Variants in EXT1 observed in about 807,000 individuals in gnomAD.
The protein encoded by EXT1 is exostosin glycosyltransferase 1, also known as exostosin-1.
Under a neutral mutation model 82.5 loss-of-function variants are expected in EXT1, and 20 were observed. The observed-to-expected ratio is 0.24, with a 90% CI of 0.17 to 0.35. The LOEUF is 0.35. Ranked by LOEUF, EXT1 falls within the 10% of genes least tolerant of loss-of-function variation. The probability of loss-of-function intolerance (pLI) is 1.00; values close to 1 mark genes in which losing one functional copy is unlikely to be tolerated. For synonymous variants in EXT1, 348 were observed against 350.8 expected (o/e 0.99, Z 0.09); for missense variants, 757 against 936.5 (o/e 0.81, Z 2.50).
At chr8:118,101,722 T>C (rs891962424) in intron 1 of EXT1, among the ~76,000 whole-genome samples, 6 of 152,208 alleles carry the variant, frequency 3.9e-5, no homozygotes, top group East Asian at 1.9e-4. Context: ...AAAGGCCCCC[T>C]GGCAGGACCA....
chr8:118,065,400 C>G (rs535645500), intron 1 of EXT1, among the ~76,000 whole-genome samples: 3 of 152,246 alleles, frequency 2.0e-5, no homozygotes, highest in Non-Finnish European at 4.4e-5. Context: ...AAGGAAAGAT[C>G]AGGTGAGGAA....
intron 1 of EXT1, among the ~76,000 whole-genome samples, chr8:117,925,705 C>CAAAAAAAAA (rs3049788): frequency 2.0e-5 from 2 of 98,630 alleles, no homozygotes; most frequent in Non-Finnish European, 2.0e-5. Flanking sequence ...CCTGTCTCTA[C>CAAAAAAAAA]AAAAAAAAAA....
chr8:118,048,007 C>T (rs1201744856), intron 1 of EXT1, among the ~76,000 whole-genome samples: 4 of 147,434 alleles, frequency 2.7e-5, no homozygotes, highest in Admixed American at 7.0e-5. Context: ...GCCTGGACAA[C>T]AGAACAAGAA....
Position 117,837,207 on chromosome 8 carries a change from A to G in EXT1, c.963-6T>C, listed in dbSNP as rs1273138541. ...GCATTTCCCGATAATCATACCTAGA[A>G]AGAGAAGAGGAGTAAACAGCAAATG... On this transcript the variant is annotated splice_polypyrimidine_tract_variant and splice_region_variant and intron_variant, in intron 1 of 10. Transcript: ENST00000378204. 1.2e-6 allele frequency: 2 copies of G among 1,610,094 alleles called. No individual in the cohort carries two copies. The highest frequency in any genetic ancestry group is 1.7e-6 in the Non-Finnish European group (2 of 1,176,526).
At chr8:117,888,739 C>T (rs1813192987) in intron 1 of EXT1, among the ~76,000 whole-genome samples, 1 of 152,190 alleles carries the variant, frequency 6.6e-6, no homozygotes, top group African/African-American at 2.4e-5. Context: ...TCGAGTTCCA[C>T]CTCCTCCCCA....
intron 1 of EXT1, among the ~76,000 whole-genome samples, chr8:117,947,823 T>C (rs547117704): frequency 6.6e-6 from 1 of 152,300 alleles, no homozygotes; most frequent in South Asian, 2.1e-4. Flanking sequence ...AGAGTGCAAG[T>C]AATTATATCT....
At chr8:117,899,120 C>T (rs1169525866) in intron 1 of EXT1, among the ~76,000 whole-genome samples, 1 of 152,214 alleles carries the variant, frequency 6.6e-6, no homozygotes, top group Non-Finnish European at 1.5e-5. Context: ...GATAAGCACA[C>T]ATTTACGCTA....
chr8:118,093,523 T>C (rs1332892321), intron 1 of EXT1, among the ~76,000 whole-genome samples: 2 of 152,188 alleles, frequency 1.3e-5, no homozygotes, highest in Admixed American at 1.3e-4. Context: ...AATTTAATCC[T>C]GTTCTAACAT....
chr8:118,062,598 A>T lies in EXT1; in HGVS notation c.962+47487T>A, dbSNP rs150570755. Among the ~76,000 whole-genome samples, 386 of 152,350 alleles carry T rather than the reference A, an allele frequency of 2.5e-3. 1 individual carries two copies. Among genetic ancestry groups the T allele is most frequent in the Non-Finnish European group, 3.7e-3 (251 of 68,028 alleles). ...GGAAGGAATCATATGTTAACAGCCC[A>T]GAGATGCGAAATATTCACAAGGAAC... is the stretch of plus-strand genomic sequence containing the variant. On this transcript the variant is annotated intron_variant, in intron 1 of 10. Coordinates refer to ENST00000378204, the MANE Select transcript of EXT1 (RefSeq NM_000127.3).
At chr8:117,951,305 T>C (rs1814487014) in intron 1 of EXT1, among the ~76,000 whole-genome samples, 1 of 152,232 alleles carries the variant, frequency 6.6e-6, no homozygotes, top group Non-Finnish European at 1.5e-5. Context: ...TCACATGTTA[T>C]ACAAAGCCTG....
chr8:117,939,465 G>T (rs1814231467), intron 1 of EXT1, among the ~76,000 whole-genome samples: 1 of 151,514 alleles, frequency 6.6e-6, no homozygotes, highest in African/African-American at 2.4e-5. Flanking sequence ...GCCACTCGAG[G>T]GGCTGAAGCA....
chr8:118,097,542 G>A (rs1193952951), intron 1 of EXT1, among the ~76,000 whole-genome samples: 1 of 152,170 alleles, frequency 6.6e-6, no homozygotes, highest in Admixed American at 6.5e-5. Context: ...AAGCTCCCCA[G>A]GAGAGTCTAC....
intron 1 of EXT1, among the ~76,000 whole-genome samples, chr8:117,973,906 A>G (rs1220802804): frequency 7.3e-6 from 1 of 137,350 alleles, no homozygotes; most frequent in African/African-American, 2.8e-5. Flanking sequence ...AAAGAAAAGG[A>G]AAGGAGGGAA....
chr8:118,052,083 A>T (rs996309047), intron 1 of EXT1, among the ~76,000 whole-genome samples: 6 of 152,196 alleles, frequency 3.9e-5, no homozygotes, highest in Non-Finnish European at 8.8e-5. Flanking sequence ...CGTTAAGGTC[A>T]TCATGTCAAC....
At chr8:118,051,113 A>C (rs1369755150) in intron 1 of EXT1, among the ~76,000 whole-genome samples, 2 of 152,186 alleles carry the variant, frequency 1.3e-5, no homozygotes, top group African/African-American at 4.8e-5. Context: ...AGGTGGGTGG[A>C]TCACTTGAGC....
chr8:117,884,612 T>C (rs1813116407), intron 1 of EXT1, among the ~76,000 whole-genome samples: 1 of 152,206 alleles, frequency 6.6e-6, no homozygotes, highest in African/African-American at 2.4e-5. Flanking sequence ...CTCTATACTT[T>C]TCTTAACAGC....
chr8:117,813,276 T>C (rs1823363173), intron 7 of EXT1, among the ~76,000 whole-genome samples: 1 of 152,016 alleles, frequency 6.6e-6, no homozygotes. Context: ...CTTTGCTTGA[T>C]ACAAAAAATG....
chr8:117,794,515 ATTTC>A lies in EXT1; in HGVS notation c.*5193_*5196del, dbSNP rs769320685. 1.3e-5 allele frequency: 2 copies of A among 151,854 alleles called. No individual in the cohort carries two copies. The highest frequency in any genetic ancestry group is 2.9e-5 in the Non-Finnish European group (2 of 68,010). The allele number at this position is 151,854 out of a possible 1,614,324, so 9.4% of individuals were successfully genotyped here. On this transcript the variant is annotated 3_prime_UTR_variant, in exon 11 of 11. Coordinates refer to ENST00000378204, the MANE Select transcript of EXT1 (RefSeq NM_000127.3). ...TGAAAAGTCATGTCATTTATTAATAATTTCTTTTTTTTTTCTTCTATAAATTGGA... is the reference window on the plus strand; with the variant it reads ...TGAAAAGTCATGTCATTTATTAATAATTTTTTTTTTCTTCTATAAATTGGA...
At chr8:117,996,859 C>CTGGGCCAAGCAGCTAACA (rs1815547583) in intron 1 of EXT1, among the ~76,000 whole-genome samples, 2 of 152,180 alleles carry the variant, frequency 1.3e-5, no homozygotes, top group African/African-American at 2.4e-5. Context: ...TTAGCCCATT[C>CTGGGCCAAGCAGCTAACA]TGGGCCAAGC....
Sources: gnomAD v4.1 joint callset for allele counts (sites outside exome capture counted in the v4.1 genomes callset) on GRCh38, gnomAD v4.1.1 for gene constraint, MANE v1.5 for transcripts, NCBI Gene and HGNC (gene_info 2026-07-23, HGNC 2026-07-21) for gene names.